The following DNAAF4 variants were observed in gnomAD, a reference collection of about 807,000 sequenced individuals.
DNAAF4 encodes the protein dynein axonemal assembly factor 4.
A neutral mutation model predicts 51.8 loss-of-function variants in DNAAF4; 43 were observed. The ratio of observed to expected loss-of-function variants is 0.83; its 90% CI spans 0.65 to 1.07. The LOEUF is 1.07. Among genes scored for constraint, DNAAF4 ranks in the 50% least tolerant of loss-of-function variants. The pLI is 0.00. For synonymous variants in DNAAF4, 194 were observed against 165.6 expected, an observed-to-expected ratio of 1.17 and a Z score of -1.32; for missense variants, 581 against 493.0, an observed-to-expected ratio of 1.18 and a Z score of -1.69.
intron 5 of DNAAF4, among the ~76,000 whole-genome samples, chr15:55,462,041 T>A (rs1368223754): frequency 1.3e-5 from 2 of 152,156 alleles, no homozygotes; most frequent in Non-Finnish European, 2.9e-5. Flanking sequence ...AGGAGATGGA[T>A]AAATTCCTCA....
intron 6 of DNAAF4, among the ~76,000 whole-genome samples, chr15:55,442,184 T>C (rs2057725317): frequency 6.6e-6 from 1 of 152,180 alleles, no homozygotes. Flanking sequence ...TGTGGCATGA[T>C]CTTGGCTCAC....
intron 3 of DNAAF4, among the ~76,000 whole-genome samples, chr15:55,495,367 G>C (rs530388347): frequency 1.3e-5 from 2 of 148,330 alleles, no homozygotes; most frequent in South Asian, 4.3e-4. Flanking sequence ...AGAAAGCCTT[G>C]ATAGAAAGAA....
rs1177406195 is a variant in DNAAF4, at chr15:55,430,597, C to T, written c.*73G>A. The T allele has an allele frequency of 3.3e-6, 5 of 1,536,540 alleles. No individual in the cohort carries two copies. Among genetic ancestry groups the T allele is most frequent in the South Asian group, 2.5e-5 (2 of 80,902 alleles). ...CAGAAAGCGATTCTGTACAACTGGCCATAATATGTACAAAGATGCCTCCAG... is the reference window on the plus strand; with the variant it reads ...CAGAAAGCGATTCTGTACAACTGGCTATAATATGTACAAAGATGCCTCCAG... On this transcript the variant is annotated 3_prime_UTR_variant, in exon 10 of 10. Coordinates refer to ENST00000321149, the MANE Select transcript of DNAAF4 (RefSeq NM_130810.4).
intron 5 of DNAAF4, among the ~76,000 whole-genome samples, chr15:55,457,092 G>C (rs1191615713): frequency 6.6e-6 from 1 of 152,224 alleles, no homozygotes; most frequent in Non-Finnish European, 1.5e-5. Context: ...CCAATAGTGT[G>C]GGCAGGCAGG....
rs990652191 is a variant in DNAAF4 at position 55,460,072 on chromosome 15, C to T, written c.637+6858G>A. Among the ~76,000 whole-genome samples the T allele has an allele frequency of 2.0e-5, 3 of 151,776 alleles. No homozygotes were observed. The East Asian group carries it at 5.8e-4, about 29-fold the overall frequency. The stretch of plus-strand genomic sequence containing the variant: ...AACAGTTAAAAAAGATAAAAAAGGA[C>T]ATTATATAATGATAAAAGAATTAGT... On this transcript the variant is annotated intron_variant, in intron 5 of 9. Coordinates refer to ENST00000321149, the MANE Select transcript of DNAAF4 (RefSeq NM_130810.4).
rs144098435 is a variant in DNAAF4 at position 55,438,761 on chromosome 15, G to A, written c.893+711C>T. On this transcript the variant is annotated intron_variant, in intron 7 of 9. Coordinates refer to ENST00000321149, the MANE Select transcript of DNAAF4 (RefSeq NM_130810.4). ...GATTGCACCACTACACTCCAGCCTG[G>A]GTGATAAAATGAGACACTATCTCAC... Among the ~76,000 whole-genome samples the A allele has an allele frequency of 7.3e-3, 1,109 of 151,288 alleles. 11 individuals are homozygous for A. The highest frequency in any genetic ancestry group is 9.5e-3 in the Admixed American group (144 of 15,116).
At chr15:55,505,196 T>A (rs916844516) in intron 1 of DNAAF4, among the ~76,000 whole-genome samples, 2 of 152,030 alleles carry the variant, frequency 1.3e-5, no homozygotes, top group Non-Finnish European at 2.9e-5. Context: ...ATCAAAGAAA[T>A]GCAAATCAAA....
chr15:55,452,181 G>A (rs1334286046), intron 5 of DNAAF4, among the ~76,000 whole-genome samples: 3 of 129,986 alleles, frequency 2.3e-5, no homozygotes, highest in African/African-American at 8.7e-5. Flanking sequence ...CTGGGAGGCA[G>A]AGGCTGCAGT....
intron 5 of DNAAF4, among the ~76,000 whole-genome samples, chr15:55,463,635 C>T (rs758996850): frequency 1.3e-5 from 2 of 152,130 alleles, no homozygotes; most frequent in African/African-American, 4.8e-5. Context: ...CACTACTATA[C>T]ACCAACAAGG....
Position 55,467,061 on chromosome 15 carries a change from G to A in DNAAF4, c.506C>T (p.Ala169Val), listed in dbSNP as rs2058181069. 1.3e-6 allele frequency: 2 copies of A among 1,550,492 alleles called. No individual in the cohort carries two copies. The highest frequency in any genetic ancestry group is 1.7e-6 in the Non-Finnish European group (2 of 1,149,660). The change falls in exon 5 of 10, where the codon GCT becomes GTT. Residue 169 changes from alanine (A) to valine (V), a missense_variant. Ala to Val is a moderately conservative substitution (Grantham distance 64, BLOSUM62 0). Coordinates refer to ENST00000321149, the MANE Select transcript of DNAAF4 (RefSeq NM_130810.4). ...TCTCTGAATTTTTTTTTGCTCCTCA[G>A]CTTTTCTTTGATATTCTTTCCAGGC... ...LEAWKEYQRK[A>V]EEQKKIQREE...
intron 4 of DNAAF4, among the ~76,000 whole-genome samples, chr15:55,472,202 G>A (rs973970280): frequency 4.6e-5 from 7 of 152,116 alleles, no homozygotes; most frequent in African/African-American, 7.2e-5. Flanking sequence ...CACAGACACC[G>A]ACAAATATTA....
chr15:55,465,334 T>C lies in DNAAF4; in HGVS notation c.637+1596A>G, dbSNP rs116006200. On this transcript the variant is annotated intron_variant, in intron 5 of 9. Coordinates refer to ENST00000321149, the MANE Select transcript of DNAAF4 (RefSeq NM_130810.4). ...CAGCACAATTGCAATTGCAAAAATATAGAACTAGCCTAAATGCCTATCAAC... is the reference window on the plus strand; with the variant it reads ...CAGCACAATTGCAATTGCAAAAATACAGAACTAGCCTAAATGCCTATCAAC... 2.2e-3 allele frequency among the ~76,000 whole-genome samples: 333 copies of C among 151,718 alleles called. 2 individuals are homozygous for C. Among genetic ancestry groups the C allele is most frequent in the African/African-American group, 7.7e-3 (320 of 41,326 alleles).
Position 55,473,198 on chromosome 15 carries a change from A to AAAAATATATATATATAT in DNAAF4, c.406-6038_406-6037insATATATATATATATTTT, listed in dbSNP as rs1209754897. 2.5e-4 allele frequency among the ~76,000 whole-genome samples: 19 copies of AAAAATATATATATATAT among 75,744 alleles called. 3 individuals are homozygous for AAAAATATATATATATAT. The highest frequency in any genetic ancestry group is 9.6e-4 in the African/African-American group (18 of 18,678). The allele number at this position is 75,744 out of a possible 152,430, so 49.7% of individuals were successfully genotyped here. A position where few individuals can be genotyped will look rare whatever the true frequency, so the allele number is the denominator to read the frequency against. On this transcript the variant is annotated intron_variant, in intron 4 of 9. Transcript: ENST00000321149. ...ACAAAAAAAAAACCTAAAAAAAAAA[A>AAAAATATATATATATAT]ATATATATATATATATATATATATG... is the stretch of plus-strand genomic sequence containing the variant.
intron 7 of DNAAF4, among the ~76,000 whole-genome samples, chr15:55,422,485 G>C (rs1413960470): frequency 6.6e-6 from 1 of 152,150 alleles, no homozygotes; most frequent in East Asian, 1.9e-4. Flanking sequence ...CCACCATTTA[G>C]AGGTCAAGGC....
At chr15:55,438,333 A>G (rs1430835182) in intron 7 of DNAAF4, among the ~76,000 whole-genome samples, 1 of 137,890 alleles carries the variant, frequency 7.3e-6, no homozygotes, top group Non-Finnish European at 1.6e-5. Flanking sequence ...CCTGGGGACC[A>G]AGAGCGAGAC....
At chr15:55,471,322 A>T (rs1470943031) in intron 4 of DNAAF4, among the ~76,000 whole-genome samples, 3 of 152,178 alleles carry the variant, frequency 2.0e-5, no homozygotes, top group African/African-American at 7.2e-5. Flanking sequence ...CCTATTACAT[A>T]GGAAATTCCA....
intron 1 of DNAAF4, among the ~76,000 whole-genome samples, chr15:55,499,483 C>A (rs190110197): frequency 6.6e-6 from 1 of 152,328 alleles, no homozygotes; most frequent in African/African-American, 2.4e-5. Context: ...ACACCTAAGG[C>A]TTCAACTCCC....
At chr15:55,447,261 G>A (rs1342637553) in intron 6 of DNAAF4, among the ~76,000 whole-genome samples, 49 of 147,446 alleles carry the variant, frequency 3.3e-4, no homozygotes, top group Admixed American at 2.7e-4. Flanking sequence ...ATGGGGTGGC[G>A]GTCGGGCAGA....
intron 1 of DNAAF4, among the ~76,000 whole-genome samples, chr15:55,504,406 A>T (rs567067274): frequency 1.3e-5 from 2 of 152,332 alleles, no homozygotes; most frequent in Admixed American, 6.5e-5. Context: ...TTCTTCACAG[A>T]ATTGGAAAAA....
Sources: gnomAD v4.1 joint callset for allele counts (sites outside exome capture counted in the v4.1 genomes callset) on GRCh38, gnomAD v4.1.1 for gene constraint, MANE v1.5 for transcripts, NCBI Gene and HGNC (gene_info 2026-07-23, HGNC 2026-07-21) for gene names.